Variants in NOD1 observed in about 807,000 individuals in gnomAD.
NOD1 encodes the protein nucleotide-binding oligomerization domain-containing protein 1.
A neutral mutation model predicts 81.2 loss-of-function variants in NOD1; 70 were observed. That is an observed-to-expected ratio of 0.86 (90% CI 0.71 to 1.05). The LOEUF is 1.05. NOD1 is among the 50% of genes least tolerant of loss of function. The pLI is 0.00. For missense variants in NOD1, 1,233 were observed against 1,228.0 expected (o/e 1.00, Z -0.06); for synonymous variants, 508 against 526.9 (o/e 0.96, Z 0.49).
At position 30,478,368 on chromosome 7, in the gene NOD1, C is replaced by A. The variant is rs1789002113; in HGVS notation, c.-352+238G>T. Among the ~76,000 whole-genome samples the A allele has an allele frequency of 6.6e-6, 1 of 152,202 alleles. No homozygotes were observed. The highest frequency in any genetic ancestry group is 1.5e-5 in the Non-Finnish European group (1 of 68,028). ...TAAGCTGCTGGCACGATTGAGAACC[C>A]CTGCGTTCGACCACAGTGGGATAAA... is the stretch of plus-strand genomic sequence containing the variant. On this transcript the variant is annotated intron_variant, in intron 1 of 13. Transcript: ENST00000222823. This position sits in a 1 kb window ranked among gnomAD's most constrained non-coding sequence, Gnocchi z 4.1.
chr7:30,446,915 A>T, intron 8 of NOD1, 52 bp downstream of exon 8: 1 of 1,368,416 alleles, frequency 7.3e-7, no homozygotes, highest in Non-Finnish European at 1.0e-6. Context: ...TGAACAACAG[A>T]AGGGGGTGAT....
At chr7:30,437,686 A>T (rs748809574) in intron 9 of NOD1, 30 bp from the exon 10 acceptor site, 1 of 1,461,970 alleles carries the variant, frequency 6.8e-7, no homozygotes, top group Non-Finnish European at 9.1e-7. Flanking sequence ...AGTGAATGTT[A>T]GCTCCCCAAG....
At chr7:30,450,557 A>G (rs1446769112) in intron 6 of NOD1, among the ~76,000 whole-genome samples, 1 of 152,234 alleles carries the variant, frequency 6.6e-6, no homozygotes, top group African/African-American at 2.4e-5. Context: ...GAAAACAACC[A>G]CGAGTCAGCA....
chr7:30,447,933 T>C (rs1166001409), intron 7 of NOD1: 4 of 211,070 alleles, frequency 1.9e-5, no homozygotes, highest in African/African-American at 9.2e-5. Flanking sequence ...CCCATTCGGG[T>C]CTTGCCCCAA....
At chr7:30,462,709 G>T (rs1219078284) in intron 1 of NOD1, among the ~76,000 whole-genome samples, 1 of 152,128 alleles carries the variant, frequency 6.6e-6, no homozygotes, top group African/African-American at 2.4e-5. Context: ...AGCACTTTGG[G>T]AGGCCAAGGC....
At position 30,451,339 on chromosome 7, in the gene NOD1, C is replaced by G. The variant is rs199878802; in HGVS notation, c.2078G>C (p.Ser693Thr). 74 of 1,614,216 alleles carry G rather than the reference C, an allele frequency of 4.6e-5. No individual in the cohort carries two copies. The African/African-American group carries it at 9.2e-4, about 20-fold the overall frequency. The change falls in exon 6 of 14, where the codon AGC becomes ACC. Residue 693 changes from serine (S) to threonine (T), a missense_variant. Transcript: ENST00000222823. This position sits in a 1 kb window ranked among gnomAD's most constrained non-coding sequence, Gnocchi z 4.2. Reference protein sequence around the residue: ...TYCNACSADCSALSFVLHHFP... With the variant: ...TYCNACSADCTALSFVLHHFP... ...GTGATGCAGGACGAAGGAGAGGGCG[C>G]TGCAGTCGGCCGAGCAGGCGTTGCA... is the stretch of plus-strand genomic sequence containing the variant.
rs1311295042 is a variant in NOD1, at chr7:30,451,844, T to G, written c.1573A>C (p.Thr525Pro). 6.2e-7 allele frequency: 1 copy of G among 1,613,740 alleles called. No homozygotes were observed. Among genetic ancestry groups the G allele is most frequent in the Admixed American group, 1.7e-5 (1 of 60,016 alleles). Reference sequence around the variant, plus strand: ...TCGTCCAGCACGAGGAAGAAGGCTGTAAAGAAGGCCTGGAGGGTGAGGTGG... The same window carrying G: ...TCGTCCAGCACGAGGAAGAAGGCTGGAAAGAAGGCCTGGAGGGTGAGGTGG... ...FFHLTLQAFFTAFFLVLDDRV... is the reference protein window; with the variant it reads ...FFHLTLQAFFPAFFLVLDDRV... Residue 525 changes from threonine to proline, a missense_variant, in exon 6 of 14, where the codon ACA becomes CCA. Coordinates refer to ENST00000222823, the MANE Select transcript of NOD1 (RefSeq NM_006092.4). This position sits in a 1 kb window ranked among gnomAD's most constrained non-coding sequence, Gnocchi z 4.2.
chr7:30,466,007 G>A (rs1787655900), intron 1 of NOD1, among the ~76,000 whole-genome samples: 1 of 152,222 alleles, frequency 6.6e-6, no homozygotes, highest in Non-Finnish European at 1.5e-5. Context: ...CCCTCCTCAA[G>A]CTCTGACCAC....
At chr7:30,430,117 G>A (rs1783814633) in intron 12 of NOD1, among the ~76,000 whole-genome samples, 1 of 152,152 alleles carries the variant, frequency 6.6e-6, no homozygotes, top group African/African-American at 2.4e-5. Flanking sequence ...CAGGTAGCTA[G>A]GGAAAGGCAA....
chr7:30,432,000 G>A (rs1233330870), intron 12 of NOD1, among the ~76,000 whole-genome samples: 1 of 152,126 alleles, frequency 6.6e-6, no homozygotes, highest in Non-Finnish European at 1.5e-5. Context: ...AACTACTCAG[G>A]AGGCTGAGGC....
rs555250752 is a variant in NOD1 at position 30,439,314 on chromosome 7, C to T, written c.2454-1658G>A. On this transcript the variant is annotated intron_variant, in intron 9 of 13. Coordinates refer to ENST00000222823, the MANE Select transcript of NOD1 (RefSeq NM_006092.4). ...CTCCCAGCGTGAGCGACGCAGAAGA[C>T]GGGTGATTTCTGCATTTCCATCTGA... is the stretch of plus-strand genomic sequence containing the variant. Among the ~76,000 whole-genome samples the T allele has an allele frequency of 1.6e-3, 226 of 140,756 alleles. 10 individuals are homozygous for T. The highest frequency in any genetic ancestry group is 6.8e-3 in the African/African-American group (213 of 31,240). 92.3% of individuals were successfully genotyped at this position (140,756 alleles called of 152,430 possible). A position where few individuals can be genotyped will look rare whatever the true frequency, so the allele number is the denominator to read the frequency against.
At chr7:30,445,604 C>A (rs1784971980) in intron 9 of NOD1, among the ~76,000 whole-genome samples, 1 of 151,558 alleles carries the variant, frequency 6.6e-6, no homozygotes, top group African/African-American at 2.4e-5. Context: ...ACTAAAAATA[C>A]AAAAATTAGC....
intron 6 of NOD1, among the ~76,000 whole-genome samples, chr7:30,450,298 T>G (rs980446391): frequency 6.6e-6 from 1 of 151,648 alleles, no homozygotes; most frequent in African/African-American, 2.4e-5. Context: ...AGACTCCAGG[T>G]TTTCCAATTC....
intron 13 of NOD1, 124 bp from the exon 14 acceptor site, chr7:30,425,834 T>G: frequency 1.3e-6 from 1 of 741,080 alleles, no homozygotes; most frequent in Non-Finnish European, 2.5e-6. Context: ...TCCCTGAAAT[T>G]AAGGAACATA....
At chr7:30,464,811 T>G (rs760054597) in intron 1 of NOD1, among the ~76,000 whole-genome samples, 10 of 152,202 alleles carry the variant, frequency 6.6e-5, no homozygotes, top group Non-Finnish European at 1.5e-4. Flanking sequence ...GAGTTCCACC[T>G]CAAAATGTTG....
At chr7:30,445,999 A>G (rs899725695) in intron 9 of NOD1, 142 bp downstream of exon 9, 13 of 689,510 alleles carry the variant, frequency 1.9e-5, no homozygotes, top group Non-Finnish European at 2.8e-5. Flanking sequence ...GTTTCGCAGC[A>G]TGGTGAAAGC....
chr7:30,477,683 T>A (rs1340693672), intron 1 of NOD1, among the ~76,000 whole-genome samples: 3 of 74,064 alleles, frequency 4.1e-5, no homozygotes, highest in Admixed American at 1.1e-4. Flanking sequence ...CCCGGTTAAT[T>A]TTTTTTTTTT....
chr7:30,425,852 C>T, intron 13 of NOD1, 142 bp from the exon 14 acceptor site: 1 of 689,496 alleles, frequency 1.5e-6, no homozygotes, highest in Non-Finnish European at 2.6e-6. Flanking sequence ...ATACCCTTTG[C>T]AGATAGTTCC....
intron 1 of NOD1, among the ~76,000 whole-genome samples, chr7:30,475,185 C>T (rs1788649511): frequency 6.6e-6 from 1 of 152,222 alleles, no homozygotes; most frequent in South Asian, 2.1e-4. Context: ...GTTTCCTTAG[C>T]AATATGTGAC....
Sources: gnomAD v4.1 joint callset for allele counts (sites outside exome capture counted in the v4.1 genomes callset) on GRCh38, gnomAD v4.1.1 for gene constraint, Gnocchi (gnomAD v3.1) non-coding constraint, MANE v1.5 for transcripts, NCBI Gene and HGNC (gene_info 2026-07-23, HGNC 2026-07-21) for gene names.